Variants in POGLUT1 observed in about 807,000 individuals in gnomAD.
POGLUT1 encodes the protein 9630046K23Rik.
Under a neutral mutation model 61.3 loss-of-function variants are expected in POGLUT1, and 32 were observed. The ratio of observed to expected loss-of-function variants is 0.52; its 90% CI spans 0.39 to 0.70. The LOEUF is 0.70. Among genes scored for constraint, POGLUT1 ranks in the 30% least tolerant of loss-of-function variants. The pLI, the probability that POGLUT1 is intolerant of heterozygous loss-of-function variation, is 0.00. For missense variants in POGLUT1, 411 were observed against 469.8 expected, an observed-to-expected ratio of 0.87 and a Z score of 1.16; for synonymous variants, 158 against 158.2, an observed-to-expected ratio of 1.00 and a Z score of 0.01.
intron 1 of POGLUT1, chr3:119,469,364 A>G (rs762866819): frequency 4.7e-5 from 27 of 580,140 alleles, no homozygotes; most frequent in Non-Finnish European, 7.7e-5. Flanking sequence ...CACCCGCAGG[A>G]GGCGTGGCCC....
intron 9 of POGLUT1, among the ~76,000 whole-genome samples, 178 bp from the exon 10 acceptor site, chr3:119,491,338 TGG>T (rs145603083): frequency 1.4e-4 from 20 of 147,044 alleles, no homozygotes; most frequent in East Asian, 7.9e-4. Flanking sequence ...AATCAGTGTG[TGG>T]GGGTTTTTTT....
chr3:119,469,234 G>C (rs1168147885), intron 1 of POGLUT1, 128 bp downstream of exon 1: 1 of 721,014 alleles, frequency 1.4e-6, no homozygotes, highest in African/African-American at 1.8e-5. Flanking sequence ...TGGGCAGAAG[G>C]CACCGGGGCG....
chr3:119,482,263 A>G (rs552876820), intron 5 of POGLUT1, among the ~76,000 whole-genome samples: 34 of 152,296 alleles, frequency 2.2e-4, no homozygotes, highest in Non-Finnish European at 4.0e-4. Flanking sequence ...TGAAACCTAT[A>G]TATGCTCATA....
chr3:119,473,356 T>C (rs1577077014), intron 3 of POGLUT1, among the ~76,000 whole-genome samples: 2 of 150,974 alleles, frequency 1.3e-5, no homozygotes, highest in South Asian at 4.2e-4. Flanking sequence ...ATGAAATGCT[T>C]TCAAAGTTTC....
chr3:119,491,552 G>GTAGC lies in POGLUT1; in HGVS notation c.1002_1005dup (p.Gln336SerfsTer6). The GTAGC allele has an allele frequency of 6.4e-7, 1 of 1,565,516 alleles. No homozygotes were observed. The highest frequency in any genetic ancestry group is 8.7e-7 in the Non-Finnish European group (1 of 1,147,126). Reference sequence around the variant, plus strand: ...ACAATTTGTAAAAGCAAATGATGATGTAGCTCAAGAGATTGCTGAAAGGTG... The same window carrying GTAGC: ...ACAATTTGTAAAAGCAAATGATGATGTAGCTAGCTCAAGAGATTGCTGAAAGGTG... On this transcript the variant is annotated frameshift_variant, in exon 10 of 11. Coordinates refer to ENST00000295588, the MANE Select transcript of POGLUT1 (RefSeq NM_152305.3). LOFTEE classifies it high-confidence loss of function.
chr3:119,490,841 G>C, intron 9 of POGLUT1, 123 bp downstream of exon 9: 1 of 810,826 alleles, frequency 1.2e-6, no homozygotes, highest in South Asian at 1.9e-5. Flanking sequence ...TCCATTGAAA[G>C]CTTTTTTTCC....
At chr3:119,481,886 A>G (rs1276049100) in intron 5 of POGLUT1, among the ~76,000 whole-genome samples, 1 of 151,988 alleles carries the variant, frequency 6.6e-6, no homozygotes, top group African/African-American at 2.4e-5. Context: ...TTTGAACATA[A>G]TTTTGAGAGG....
chr3:119,490,608 G>A lies in POGLUT1; in HGVS notation c.855G>A (p.Leu285=), dbSNP rs368048519. The stretch of plus-strand genomic sequence containing the variant: ...GTTTCCGGTTTAAACACCTCTTCCT[G>A]TGTGGCTCACTTGTTTTCCATGTTG... ...AASFRFKHLF[L]CGSLVFHVGD... Residue 285 remains leucine, a synonymous_variant, in exon 9 of 11, where the codon CTG becomes CTA. Transcript: ENST00000295588. 1 of 1,613,990 alleles carries A rather than the reference G, an allele frequency of 6.2e-7. No individual in the cohort carries two copies. Among genetic ancestry groups the A allele is most frequent in the South Asian group, 1.1e-5 (1 of 91,086 alleles).
At chr3:119,470,603 C>T (rs1340785478) in intron 2 of POGLUT1, among the ~76,000 whole-genome samples, 2 of 152,074 alleles carry the variant, frequency 1.3e-5, no homozygotes, top group African/African-American at 4.8e-5. Flanking sequence ...CACATCAGGG[C>T]CGGGATGAGG....
chr3:119,481,317 G>A (rs993315582), intron 5 of POGLUT1, among the ~76,000 whole-genome samples: 3 of 152,114 alleles, frequency 2.0e-5, no homozygotes, highest in African/African-American at 7.2e-5. Flanking sequence ...TCAGAATTTA[G>A]ATTGTGTAGC....
At chr3:119,470,807 T>C (rs2081460965) in intron 2 of POGLUT1, among the ~76,000 whole-genome samples, 1 of 152,242 alleles carries the variant, frequency 6.6e-6, no homozygotes, top group African/African-American at 2.4e-5. Context: ...TGATACTTAT[T>C]GAAAACTTAC....
chr3:119,472,849 G>A (rs2081491948), intron 3 of POGLUT1, among the ~76,000 whole-genome samples: 1 of 152,226 alleles, frequency 6.6e-6, no homozygotes, highest in Non-Finnish European at 1.5e-5. Flanking sequence ...TAGGCCACAT[G>A]GCAAAACCTC....
At chr3:119,490,302 T>C (rs2081726061) in intron 8 of POGLUT1, 1 of 493,034 alleles carries the variant, frequency 2.0e-6, no homozygotes, top group Non-Finnish European at 3.7e-6. Flanking sequence ...TATCTAGTGC[T>C]GTCTGGAGAA....
chr3:119,469,037 A>G lies in POGLUT1; in HGVS notation c.16A>G (p.Ser6Gly). 2 of 1,608,978 alleles carry G rather than the reference A, an allele frequency of 1.2e-6. No homozygotes were observed. The change falls in exon 1 of 11, where the codon AGC becomes GGC. Residue 6 changes from serine to glycine, a missense_variant. Transcript: ENST00000295588. Reference sequence around the variant, plus strand: ...TCTGCCGGCGATGGAGTGGTGGGCTAGCTCGCCGCTTCGGCTCTGGCTGCT... The same window carrying G: ...TCTGCCGGCGATGGAGTGGTGGGCTGGCTCGCCGCTTCGGCTCTGGCTGCT... MEWWA[S>G]SPLRLWLLLF...
At chr3:119,483,097 TTAGA>T (rs1035230945) in intron 5 of POGLUT1, among the ~76,000 whole-genome samples, 33 of 152,340 alleles carry the variant, frequency 2.2e-4, no homozygotes, top group African/African-American at 6.7e-4. Flanking sequence ...ACATGTTTTG[TTAGA>T]TAGTTTGACA....
rs1000333367 is a variant in POGLUT1 at position 119,471,339 on chromosome 3, A to T, written c.207A>T (p.Arg69=). ...TAGAAGAGGATCTAACTCCTTTCCG[A>T]GGAGGCATCTCCAGGAAGATGATGG... ...GVIEEDLTPF[R]GGISRKMMAE... Residue 69 remains arginine (R), a synonymous_variant, in exon 3 of 11, where the codon CGA becomes CGT. Transcript: ENST00000295588. 3.1e-6 allele frequency: 5 copies of T among 1,614,056 alleles called. No homozygotes were observed. Among genetic ancestry groups the T allele is most frequent in the Non-Finnish European group, 4.2e-6 (5 of 1,179,912 alleles).
At position 119,492,327 on chromosome 3, in the gene POGLUT1, C is replaced by T. The variant is rs146645838; in HGVS notation, c.1068C>T (p.Thr356=). 3.7e-6 allele frequency: 6 copies of T among 1,610,318 alleles called. No individual in the cohort carries two copies. In the African/African-American group the frequency reaches 5.3e-5, roughly 14 times the overall value. ...IRNHLQMDDI[T]CYWENLLSEY... is the part of the protein sequence containing the mutation. Reference sequence around the variant, plus strand: ...ACCATTTGCAGATGGATGACATCACCTGTTACTGGGAGAACCTCTTGAGTG... The same window carrying T: ...ACCATTTGCAGATGGATGACATCACTTGTTACTGGGAGAACCTCTTGAGTG... The change falls in exon 11 of 11, where the codon ACC becomes ACT. Residue 356 remains threonine (T), a synonymous_variant. Transcript: ENST00000295588.
intron 3 of POGLUT1, chr3:119,471,694 T>C: frequency 2.1e-6 from 1 of 470,542 alleles, no homozygotes; most frequent in Admixed American, 3.5e-5. Flanking sequence ...CTCTGCCTCT[T>C]CTGCTCCTTC....
intron 5 of POGLUT1, among the ~76,000 whole-genome samples, chr3:119,484,361 C>A (rs2081641136): frequency 6.6e-6 from 1 of 152,204 alleles, no homozygotes; most frequent in Non-Finnish European, 1.5e-5. Context: ...GCCTTCCCTT[C>A]CTTTTTCAGA....
Sources: gnomAD v4.1 joint callset for allele counts (sites outside exome capture counted in the v4.1 genomes callset) on GRCh38, gnomAD v4.1.1 for gene constraint, MANE v1.5 for transcripts, NCBI Gene and HGNC (gene_info 2026-07-23, HGNC 2026-07-21) for gene names.